Variants in RABGAP1L observed in about 807,000 individuals in gnomAD.
The protein encoded by RABGAP1L is RAB GTPase activating protein 1 like, also known as rab GTPase-activating protein 1-like.
A neutral mutation model predicts 137.7 loss-of-function variants in RABGAP1L; 63 were observed. The ratio of observed to expected loss-of-function variants is 0.46; its 90% CI spans 0.37 to 0.56. RABGAP1L has a LOEUF of 0.56. RABGAP1L is among the 20% of genes least tolerant of loss of function. The pLI is 0.00. For missense variants in RABGAP1L, 1,095 were observed against 1,244.0 expected, an observed-to-expected ratio of 0.88 and a Z score of 1.80; for synonymous variants, 431 against 433.7, an observed-to-expected ratio of 0.99 and a Z score of 0.08.
chr1:174,780,720 ACC>A (rs1332463887), intron 18 of RABGAP1L, among the ~76,000 whole-genome samples: 2 of 25,344 alleles, frequency 7.9e-5, no homozygotes, highest in Non-Finnish European at 1.6e-4. Flanking sequence ...CCTCCCCCCC[ACC>A]CCCCCACCCC....
intron 19 of RABGAP1L, among the ~76,000 whole-genome samples, chr1:174,921,066 G>A (rs2149227639): frequency 6.6e-6 from 1 of 152,280 alleles, no homozygotes; most frequent in South Asian, 2.1e-4. Context: ...GGGATTACAG[G>A]CACATGCCAC....
chr1:174,677,022 C>T (rs889490459), intron 14 of RABGAP1L, among the ~76,000 whole-genome samples: 2 of 152,030 alleles, frequency 1.3e-5, no homozygotes, highest in African/African-American at 4.8e-5. Context: ...CCACTTACGG[C>T]ATAAGTATCA....
chr1:174,624,751 A>G (rs1425744729), intron 13 of RABGAP1L, among the ~76,000 whole-genome samples: 1 of 151,922 alleles, frequency 6.6e-6, no homozygotes, highest in Non-Finnish European at 1.5e-5. Context: ...GGCCTTTCAC[A>G]TTGCTTTCCC....
chr1:174,515,285 A>G (rs1403390891), intron 13 of RABGAP1L, among the ~76,000 whole-genome samples: 4 of 152,180 alleles, frequency 2.6e-5, no homozygotes, highest in South Asian at 2.1e-4. Context: ...TTTGGGAAGT[A>G]AAATTATCTG....
intron 20 of RABGAP1L, among the ~76,000 whole-genome samples, chr1:174,962,728 G>A (rs1180429090): frequency 6.8e-6 from 1 of 146,154 alleles, no homozygotes; most frequent in African/African-American, 2.8e-5. Flanking sequence ...ATAAAAAAGA[G>A]GGAGTAGACT....
At chr1:174,957,401 A>T (rs1422434880) in intron 19 of RABGAP1L, 56 bp from the exon 20 acceptor site, 1 of 1,421,032 alleles carries the variant, frequency 7.0e-7, no homozygotes, top group Non-Finnish European at 9.9e-7. Flanking sequence ...ACACACCTGA[A>T]TTTTTTTTCA....
rs1573016182 is a variant in RABGAP1L at position 174,748,478 on chromosome 1, C to T, written c.2170-3835C>T. 4.6e-5 allele frequency among the ~76,000 whole-genome samples: 7 copies of T among 152,236 alleles called. 1 individual carries two copies. The highest frequency in any genetic ancestry group is 4.6e-4 in the Admixed American group (7 of 15,294). On this transcript the variant is annotated intron_variant, in intron 17 of 25. Transcript: ENST00000681986. ...TTTAGAGGTTTATTTTGCCAAGTTA[C>T]AGACCATGATCCATGACACAGCCTC...
intron 11 of RABGAP1L, among the ~76,000 whole-genome samples, chr1:174,339,330 A>G (rs1249958863): frequency 2.6e-5 from 4 of 152,210 alleles, no homozygotes; most frequent in African/African-American, 9.6e-5. Context: ...AAAGAAAAGC[A>G]TGGTGAAGCT....
chr1:174,910,106 T>G (rs1659816994), intron 19 of RABGAP1L, among the ~76,000 whole-genome samples: 2 of 152,158 alleles, frequency 1.3e-5, no homozygotes, highest in South Asian at 2.1e-4. Context: ...GCGACTGCAC[T>G]CCAACCTGGG....
At chr1:174,669,915 T>C (rs1677055027) in intron 14 of RABGAP1L, among the ~76,000 whole-genome samples, 1 of 152,228 alleles carries the variant, frequency 6.6e-6, no homozygotes, top group African/African-American at 2.4e-5. Flanking sequence ...AGTCATGTGA[T>C]GCTTCCAGCT....
intron 1 of RABGAP1L, among the ~76,000 whole-genome samples, chr1:174,168,611 T>C (rs1172797632): frequency 6.6e-6 from 1 of 152,260 alleles, no homozygotes; most frequent in Non-Finnish European, 1.5e-5. Context: ...AAGTTGGTAT[T>C]GAATGGTAAT....
chr1:174,864,350 T>C (rs930140510), intron 19 of RABGAP1L, among the ~76,000 whole-genome samples: 1 of 152,232 alleles, frequency 6.6e-6, no homozygotes, highest in Non-Finnish European at 1.5e-5. Flanking sequence ...TTCACTCTTA[T>C]ATTAGTTCAT....
chr1:174,420,034 C>T (rs1035878952), intron 13 of RABGAP1L, among the ~76,000 whole-genome samples: 1 of 152,088 alleles, frequency 6.6e-6, no homozygotes, highest in African/African-American at 2.4e-5. Flanking sequence ...AACCATAATA[C>T]ATTTTACTTC....
intron 19 of RABGAP1L, among the ~76,000 whole-genome samples, chr1:174,873,793 G>A (rs1387220994): frequency 2.0e-5 from 3 of 152,168 alleles, no homozygotes; most frequent in Admixed American, 6.5e-5. Flanking sequence ...ACAGGTGTGA[G>A]CCACTGCGCC....
intron 13 of RABGAP1L, among the ~76,000 whole-genome samples, chr1:174,616,080 A>ACCCACTGTCCTGTG (rs987437316): frequency 2.6e-5 from 4 of 152,196 alleles, no homozygotes; most frequent in African/African-American, 9.6e-5. Context: ...AGTGCGCTGC[A>ACCCACTGTCCTGTG]CCCACTGTCC....
At chr1:174,903,590 A>T (rs957556660) in intron 19 of RABGAP1L, among the ~76,000 whole-genome samples, 1 of 152,236 alleles carries the variant, frequency 6.6e-6, no homozygotes, top group Non-Finnish European at 1.5e-5. Context: ...GCAGTATAGC[A>T]TTAGGATTTG....
At chr1:174,311,806 C>T (rs757437139) in intron 11 of RABGAP1L, among the ~76,000 whole-genome samples, 16 of 152,078 alleles carry the variant, frequency 1.1e-4, no homozygotes, top group Admixed American at 8.5e-4. Context: ...AGGGTTTCGC[C>T]GTGTTGGCCA....
chr1:174,691,575 T>C (rs183252232), intron 15 of RABGAP1L, among the ~76,000 whole-genome samples: 2 of 152,356 alleles, frequency 1.3e-5, no homozygotes, highest in East Asian at 3.9e-4. Flanking sequence ...TAAATTATAA[T>C]ATTTTAATGT....
At chr1:174,790,710 G>A (rs527239678) in intron 18 of RABGAP1L, among the ~76,000 whole-genome samples, 2 of 152,026 alleles carry the variant, frequency 1.3e-5, no homozygotes, top group African/African-American at 2.4e-5. Context: ...GAAGATTGGC[G>A]GCAAAAACGG....
Sources: gnomAD v4.1 joint callset for allele counts (sites outside exome capture counted in the v4.1 genomes callset) on GRCh38, gnomAD v4.1.1 for gene constraint, MANE v1.5 for transcripts, NCBI Gene and HGNC (gene_info 2026-07-23, HGNC 2026-07-21) for gene names.